B9D1: variants seen among roughly 807,000 people sequenced by gnomAD.
B9D1 encodes B9 domain containing 1.
In B9D1, 20 loss-of-function variants were observed where a neutral mutation model predicts 26.1. That is an observed-to-expected ratio of 0.77 (90% CI 0.54 to 1.12). The LOEUF (loss-of-function observed/expected upper bound fraction) is 1.12, where lower values mean the gene tolerates loss of function less well. Ranked by LOEUF, B9D1 falls within the 50% of genes most tolerant of loss-of-function variation. The pLI is 0.00. For missense variants in B9D1, 260 were observed against 273.7 expected (o/e 0.95, Z 0.35); for synonymous variants, 105 against 103.1 (o/e 1.02, Z -0.11).
chr17:19,360,510 G>A (rs974136787), intron 1 of B9D1, 122 bp from the exon 2 acceptor site: 3 of 831,640 alleles, frequency 3.6e-6, no homozygotes, highest in East Asian at 2.5e-5. Flanking sequence ...TCTAAGAGAC[G>A]GCTGGAGATG....
intron 3 of B9D1, among the ~76,000 whole-genome samples, chr17:19,348,393 G>A (rs1014689623): frequency 1.6e-4 from 24 of 152,090 alleles, no homozygotes; most frequent in Non-Finnish European, 3.1e-4. Context: ...TTTTACACCC[G>A]CTTCGTGTTG....
chr17:19,375,847 C>T (rs762093117), intron 1 of B9D1, among the ~76,000 whole-genome samples: 12 of 152,182 alleles, frequency 7.9e-5, no homozygotes, highest in South Asian at 6.2e-4. Flanking sequence ...CAGCTTGGCA[C>T]TTTCTCAAGA....
At chr17:19,342,727 C>T (rs1908112415), downstream of B9D1, among the ~76,000 whole-genome samples, 1 of 152,090 alleles carries the variant, frequency 6.6e-6, no homozygotes, top group Non-Finnish European at 1.5e-5. Flanking sequence ...TGAGAGGTTT[C>T]CAGCCCCCAT....
downstream of B9D1, chr17:19,341,234 A>G (rs1181530755): frequency 4.1e-6 from 5 of 1,231,606 alleles, no homozygotes; most frequent in Non-Finnish European, 5.1e-6. Context: ...GCTTCAGGGA[A>G]GCTTCAGGTC....
downstream of B9D1, among the ~76,000 whole-genome samples, chr17:19,339,599 A>G (rs1665855330): frequency 6.6e-6 from 1 of 152,120 alleles, no homozygotes; most frequent in South Asian, 2.1e-4. Flanking sequence ...AAATAACCCC[A>G]AGCTCTCATT....
chr17:19,346,452 G>A (rs1908799420), intron 5 of B9D1, among the ~76,000 whole-genome samples: 1 of 152,220 alleles, frequency 6.6e-6, no homozygotes, highest in East Asian at 1.9e-4. Flanking sequence ...CTGCTGCCCT[G>A]GAACCCAGGG....
At chr17:19,367,633 A>G (rs1227402387), upstream of B9D1, among the ~76,000 whole-genome samples, 4 of 152,304 alleles carry the variant, frequency 2.6e-5, no homozygotes, top group South Asian at 6.2e-4. Context: ...TTTTATGTGT[A>G]TAATTCAGGG....
At chr17:19,346,432 T>C (rs767526995) in intron 5 of B9D1, among the ~76,000 whole-genome samples, 1 of 152,252 alleles carries the variant, frequency 6.6e-6, no homozygotes, top group Admixed American at 6.5e-5. Flanking sequence ...TCGCAGGGGC[T>C]GCTTGCCGGC....
chr17:19,375,556 G>C (rs1598105737), intron 1 of B9D1, among the ~76,000 whole-genome samples: 1 of 152,150 alleles, frequency 6.6e-6, no homozygotes, highest in Non-Finnish European at 1.5e-5. Flanking sequence ...TCAGGAGTTC[G>C]AAACCAGCCT....
downstream of B9D1, chr17:19,336,241 C>T (rs1907433258): frequency 6.6e-6 from 1 of 151,382 alleles, no homozygotes; most frequent in South Asian, 2.1e-4. Flanking sequence ...TGGCTGGTCT[C>T]GTCTGCCGGG....
At chr17:19,336,863 G>C (rs1043922354), downstream of B9D1, 5 of 152,416 alleles carry the variant, frequency 3.3e-5, no homozygotes, top group Admixed American at 6.5e-5. Context: ...CGTGAGCTGG[G>C]CATTTGGTTG....
chr17:19,347,346 T>G lies in B9D1; in HGVS notation c.342-15A>C. ...TCCTTTTGTGCCTGAAACAAATGTT[T>G]TTGCAGACAGAGATGCTGAGTAAGA... On this transcript the variant is annotated splice_polypyrimidine_tract_variant and intron_variant, in intron 4 of 6. Transcript: ENST00000261499. The surrounding 1 kb of genome is among the most constrained non-coding windows in gnomAD (Gnocchi z 4.3). The G allele has an allele frequency of 6.2e-7, 1 of 1,614,056 alleles. No homozygotes were observed. Among genetic ancestry groups the G allele is most frequent in the East Asian group, 2.2e-5 (1 of 44,882 alleles).
chr17:19,346,839 C>G, intron 5 of B9D1: 6 of 1,207,048 alleles, frequency 5.0e-6, no homozygotes, highest in Non-Finnish European at 6.5e-6. Context: ...TTCCCCGGCT[C>G]TTCCCTCCAC....
rs1412136257 is a variant in B9D1 at position 19,362,666 on chromosome 17, A to G, written c.-97T>C. 7.1e-6 allele frequency: 11 copies of G among 1,547,612 alleles called. No homozygotes were observed. Among genetic ancestry groups the G allele is most frequent in the Non-Finnish European group, 9.6e-6 (11 of 1,146,088 alleles). On this transcript the variant is annotated 5_prime_UTR_variant, in exon 1 of 7. Transcript: ENST00000261499. ...AGAAACAGACGGCGTAGCGCGCAGG[A>G]CACGTTTCTTGGCAGCGACACCTTC...
chr17:19,361,861 C>T (rs1478024520), intron 1 of B9D1, among the ~76,000 whole-genome samples: 1 of 152,218 alleles, frequency 6.6e-6, no homozygotes, highest in Admixed American at 6.5e-5. Context: ...TATATTTCCC[C>T]AGCTGTAAAA....
At chr17:19,357,409 C>T (rs931177791) in intron 3 of B9D1, among the ~76,000 whole-genome samples, 1 of 152,176 alleles carries the variant, frequency 6.6e-6, no homozygotes, top group African/African-American at 2.4e-5. Context: ...ACAGATGGAT[C>T]GGCATGAATA....
At chr17:19,343,561 G>T in intron 6 of B9D1, 100 bp from the exon 7 acceptor site, 1 of 1,588,776 alleles carries the variant, frequency 6.3e-7, no homozygotes, top group East Asian at 2.3e-5. Flanking sequence ...CTGTAAAATG[G>T]GGACAACAGT....
At chr17:19,354,900 T>C (rs9900275) in intron 3 of B9D1, among the ~76,000 whole-genome samples, 74 of 152,284 alleles carry the variant, frequency 4.9e-4, no homozygotes, top group African/African-American at 1.8e-3. Flanking sequence ...CACCTAGGGG[T>C]GGGTTTCTTC....
chr17:19,376,617 T>A (rs1225730616), intron 1 of B9D1, among the ~76,000 whole-genome samples: 3 of 13,048 alleles, frequency 2.3e-4, no homozygotes, highest in African/African-American at 5.6e-4. Context: ...CCATCTCTAC[T>A]AAAATACAAA....
Sources: allele counts gnomAD v4.1 joint callset (sites outside exome capture counted in the v4.1 genomes callset), GRCh38; gene constraint gnomAD v4.1.1; non-coding constraint Gnocchi (gnomAD v3.1); transcripts MANE v1.5; gene names NCBI Gene and HGNC (gene_info 2026-07-23, HGNC 2026-07-21).